Variants in NDUFAB1 observed in about 807,000 individuals in gnomAD.
The protein encoded by NDUFAB1 is acyl carrier protein, mitochondrial.
Under a neutral mutation model 16.1 loss-of-function variants are expected in NDUFAB1, and 5 were observed. That is an observed-to-expected ratio of 0.31 (90% CI 0.16 to 0.65). NDUFAB1 has a LOEUF of 0.65. Among genes scored for constraint, NDUFAB1 ranks in the 30% least tolerant of loss-of-function variants. NDUFAB1 has a pLI of 0.77. For missense variants in NDUFAB1, 187 were observed against 205.3 expected, an observed-to-expected ratio of 0.91 and a Z score of 0.54; for synonymous variants, 85 against 78.4, an observed-to-expected ratio of 1.08 and a Z score of -0.44.
At chr16:23,590,639 T>TATTTCTTC (rs1555507748) in intron 1 of NDUFAB1, among the ~76,000 whole-genome samples, 8 of 86,652 alleles carry the variant, frequency 9.2e-5, no homozygotes, top group East Asian at 3.9e-4. Context: ...CTCTGGTCTC[T>TATTTCTTC]TTTTTTTTTT....
chr16:23,590,242 A>G (rs1966267988), intron 1 of NDUFAB1, among the ~76,000 whole-genome samples: 1 of 152,216 alleles, frequency 6.6e-6, no homozygotes, highest in South Asian at 2.1e-4. Context: ...CCACATGCCA[A>G]TCTAGAGTGG....
chr16:23,587,412 G>T, intron 1 of NDUFAB1, 93 bp from the exon 2 acceptor site: 1 of 1,483,970 alleles, frequency 6.7e-7, no homozygotes, highest in Non-Finnish European at 9.1e-7. Flanking sequence ...CAGAACTTTC[G>T]GGGCTTTAGA....
chr16:23,590,638 C>CTATTTCTACTTT (rs574003194), intron 1 of NDUFAB1, among the ~76,000 whole-genome samples: 1 of 131,834 alleles, frequency 7.6e-6, no homozygotes. Flanking sequence ...CCTCTGGTCT[C>CTATTTCTACTTT]TTTTTTTTTT....
At chr16:23,582,638 T>C (rs1355106421) in intron 3 of NDUFAB1, among the ~76,000 whole-genome samples, 1 of 148,322 alleles carries the variant, frequency 6.7e-6, no homozygotes, top group Non-Finnish European at 1.5e-5. Flanking sequence ...GTATATACCA[T>C]ATAATTTGGT....
chr16:23,587,188 A>G lies in NDUFAB1; in HGVS notation c.291+9T>C. On this transcript the variant is annotated intron_variant, in intron 2 of 4. Coordinates refer to ENST00000007516, the MANE Select transcript of NDUFAB1 (RefSeq NM_005003.3). ...TTTAAAGAAAAAAATTCAAACCACC[A>G]TCAGTTACCTTCTCTGGGTCAATCT... 1 of 1,608,022 alleles carries G rather than the reference A, an allele frequency of 6.2e-7. No homozygotes were observed. Among genetic ancestry groups the G allele is most frequent in the Non-Finnish European group, 8.5e-7 (1 of 1,177,972 alleles).
At chr16:23,581,663 A>G (rs1966180796) in intron 4 of NDUFAB1, among the ~76,000 whole-genome samples, 1 of 152,176 alleles carries the variant, frequency 6.6e-6, no homozygotes, top group African/African-American at 2.4e-5. Flanking sequence ...AACAAAAGCT[A>G]CTATTTACTG....
chr16:23,589,775 A>T (rs571458999), intron 1 of NDUFAB1, among the ~76,000 whole-genome samples: 1 of 151,568 alleles, frequency 6.6e-6, no homozygotes, highest in African/African-American at 2.4e-5. Context: ...ATCTCTACTG[A>T]AAGTCCAAAA....
At chr16:23,581,969 G>T (rs1300415758) in intron 4 of NDUFAB1, 10 of 174,534 alleles carry the variant, frequency 5.7e-5, no homozygotes, top group Non-Finnish European at 1.2e-4. Flanking sequence ...TACCTTGGCT[G>T]AGTAATTGAG....
At chr16:23,582,836 C>T (rs1966193531) in intron 3 of NDUFAB1, among the ~76,000 whole-genome samples, 1 of 146,588 alleles carries the variant, frequency 6.8e-6, no homozygotes, top group Admixed American at 6.8e-5. Context: ...CTCCCTCTCC[C>T]TCTCTTTCCA....
Position 23,582,279 on chromosome 16 carries a change from A to ATACTT in NDUFAB1, c.471_*4dup, listed in dbSNP as rs1330141179. On this transcript the variant is annotated 3_prime_UTR_variant, in exon 4 of 5. Transcript: ENST00000007516. ...ATCATTTTTTAAGTCTATTTACCTG[A>ATACTT]TACTTTATTCATATACATCCTTCTT... 6.6e-7 allele frequency: 1 copy of ATACTT among 1,515,090 alleles called. No homozygotes were observed. The highest frequency in any genetic ancestry group is 2.4e-5 in the East Asian group (1 of 41,542). The allele number at this position is 1,515,090 out of a possible 1,614,324, so 93.9% of individuals were successfully genotyped here. A position where few individuals can be genotyped will look rare whatever the true frequency, so the allele number is the denominator to read the frequency against.
intron 1 of NDUFAB1, among the ~76,000 whole-genome samples, chr16:23,593,766 C>G (rs145344936): frequency 2.6e-5 from 4 of 152,328 alleles, no homozygotes; most frequent in African/African-American, 9.6e-5. Flanking sequence ...AGAACAAAGA[C>G]AGTCACTTCA....
At chr16:23,594,471 G>A (rs1340739122) in intron 1 of NDUFAB1, among the ~76,000 whole-genome samples, 2 of 151,880 alleles carry the variant, frequency 1.3e-5, no homozygotes, top group Non-Finnish European at 2.9e-5. Flanking sequence ...TCCCACCTCA[G>A]CCTCCTGAGT....
intron 1 of NDUFAB1, among the ~76,000 whole-genome samples, chr16:23,591,862 C>T (rs1966283170): frequency 6.6e-6 from 1 of 152,162 alleles, no homozygotes; most frequent in Non-Finnish European, 1.5e-5. Flanking sequence ...CAATGCCTTG[C>T]CTTTATTTAC....
intron 3 of NDUFAB1, among the ~76,000 whole-genome samples, chr16:23,584,274 A>AAAAAAAAAAAAAAAAAAAAAG (rs1966214114): frequency 7.1e-6 from 1 of 140,372 alleles, no homozygotes; most frequent in Non-Finnish European, 1.6e-5. Flanking sequence ...AAAAAAAAAA[A>AAAAAAAAAAAAAAAAAAAAAG]GAAACCCAGT....
At chr16:23,588,906 CAG>C (rs994538295) in intron 1 of NDUFAB1, among the ~76,000 whole-genome samples, 5 of 151,418 alleles carry the variant, frequency 3.3e-5, no homozygotes, top group African/African-American at 1.2e-4. Flanking sequence ...TGAACCCAGA[CAG>C]AGGTTGCAGT....
chr16:23,582,760 CTCTCCCTCTCCCTCTCCCCAAGG>C (rs1237139000), intron 3 of NDUFAB1, among the ~76,000 whole-genome samples: 38 of 149,590 alleles, frequency 2.5e-4, no homozygotes, highest in African/African-American at 7.8e-4. Context: ...CACGGTCTCC[CTCTCCCTCTCCCTCTCCCCAAGG>C]TCTCCCTCTC....
intron 1 of NDUFAB1, among the ~76,000 whole-genome samples, chr16:23,594,023 G>GGCGCCCGCCACC (rs1294933072): frequency 5.3e-5 from 8 of 151,936 alleles, no homozygotes; most frequent in African/African-American, 1.9e-4. Context: ...TGGGACTACA[G>GGCGCCCGCCACC]GCGCCCGCCA....
intron 1 of NDUFAB1, chr16:23,595,725 G>A: frequency 2.2e-6 from 1 of 464,616 alleles, no homozygotes; most frequent in South Asian, 1.6e-5. Context: ...TTTGCATGCT[G>A]CTTTCACTAC....
At chr16:23,588,405 G>A (rs1418120473) in intron 1 of NDUFAB1, among the ~76,000 whole-genome samples, 1 of 152,168 alleles carries the variant, frequency 6.6e-6, no homozygotes, top group East Asian at 1.9e-4. Context: ...AGTGAGCCGA[G>A]CCTGCGCCAT....
Sources: gnomAD v4.1 joint callset for allele counts (sites outside exome capture counted in the v4.1 genomes callset) on GRCh38, gnomAD v4.1.1 for gene constraint, MANE v1.5 for transcripts, NCBI Gene and HGNC (gene_info 2026-07-23, HGNC 2026-07-21) for gene names.